TENM3: variants seen among roughly 807,000 people sequenced by gnomAD.
TENM3 encodes teneurin transmembrane protein 3.
Under a neutral mutation model 255.1 loss-of-function variants are expected in TENM3, and 63 were observed. The observed-to-expected ratio is 0.25, with a 90% CI of 0.20 to 0.30. The LOEUF (loss-of-function observed/expected upper bound fraction) is 0.30, where lower values mean the gene tolerates loss of function less well. Ranked by LOEUF, TENM3 falls within the 10% of genes least tolerant of loss-of-function variation. TENM3 has a pLI of 1.00. For synonymous variants in TENM3, 1,306 were observed against 1,322.3 expected (o/e 0.99, Z 0.27); for missense variants, 2,929 against 3,461.1 (o/e 0.85, Z 3.86).
chr4:182,429,286 G>T (rs1771457179), intron 3 of TENM3, among the ~76,000 whole-genome samples: 1 of 152,054 alleles, frequency 6.6e-6, no homozygotes, highest in Admixed American at 6.6e-5. Context: ...TGGTATTATT[G>T]GATATAAAAA....
chr4:182,502,363 T>C (rs942550188), intron 3 of TENM3, among the ~76,000 whole-genome samples: 7 of 152,158 alleles, frequency 4.6e-5, no homozygotes, highest in African/African-American at 1.7e-4. Context: ...CCCTCTGTTA[T>C]GGTAAATTTT....
At chr4:182,611,516 C>A (rs543966229) in intron 4 of TENM3, among the ~76,000 whole-genome samples, 2 of 151,972 alleles carry the variant, frequency 1.3e-5, no homozygotes, top group Non-Finnish European at 2.9e-5. Flanking sequence ...TCTCTGATGT[C>A]TACTCTGATC....
intron 3 of TENM3, among the ~76,000 whole-genome samples, chr4:182,501,959 G>A (rs1035838989): frequency 3.3e-5 from 5 of 152,172 alleles, no homozygotes; most frequent in Middle Eastern, 3.4e-3. Context: ...AGTATCTAAA[G>A]TAAACTTTTT....
At chr4:182,335,419 CG>C in intron 2 of TENM3, among the ~76,000 whole-genome samples, 1 of 122,312 alleles carries the variant, frequency 8.2e-6, no homozygotes, top group East Asian at 3.2e-4. Flanking sequence ...GGCGTGAACC[CG>C]GGAGGCGGAG....
chr4:182,473,371 AAAT>A (rs1733323328), intron 3 of TENM3, among the ~76,000 whole-genome samples: 1 of 152,208 alleles, frequency 6.6e-6, no homozygotes. Flanking sequence ...CTCTAATAAA[AAAT>A]TATTGTTTAT....
chr4:182,050,839 T>A, the TENM3 span, among the ~76,000 whole-genome samples: 2 of 152,250 alleles, frequency 1.3e-5, no homozygotes, highest in African/African-American at 4.8e-5. Context: ...AATGCAACTT[T>A]AATTTTTAAA....
At chr4:182,377,777 A>C (rs1022629301) in intron 3 of TENM3, among the ~76,000 whole-genome samples, 1 of 152,178 alleles carries the variant, frequency 6.6e-6, no homozygotes, top group African/African-American at 2.4e-5. Context: ...TATTCACATT[A>C]TGGGAAAGCA....
At chr4:181,518,095 C>T in the TENM3 span, among the ~76,000 whole-genome samples, 6 of 152,218 alleles carry the variant, frequency 3.9e-5, no homozygotes, top group Admixed American at 2.6e-4. Flanking sequence ...CTTTAGGCAA[C>T]GGTTGTATAA....
chr4:182,036,947 T>C, the TENM3 span, among the ~76,000 whole-genome samples: 2 of 152,184 alleles, frequency 1.3e-5, no homozygotes, highest in Non-Finnish European at 2.9e-5. Flanking sequence ...TTTCATGGTG[T>C]GTTGAAAACT....
chr4:181,792,509 G>A, the TENM3 span, among the ~76,000 whole-genome samples: 5 of 152,108 alleles, frequency 3.3e-5, no homozygotes, highest in African/African-American at 9.6e-5. Context: ...AACATAGATT[G>A]ATAGGGAAAA....
chr4:182,683,719 A>G (rs1042051097), intron 11 of TENM3, among the ~76,000 whole-genome samples: 1 of 152,164 alleles, frequency 6.6e-6, no homozygotes, highest in Non-Finnish European at 1.5e-5. Flanking sequence ...AGACAATGAG[A>G]GTATTGTTTT....
chr4:181,877,192 A>G, the TENM3 span: 1 of 152,136 alleles, frequency 6.6e-6, no homozygotes. Flanking sequence ...GAGGGGGTAA[A>G]CAATTTTTTC....
the TENM3 span, among the ~76,000 whole-genome samples, chr4:181,604,619 C>T: frequency 6.6e-6 from 1 of 152,200 alleles, no homozygotes; most frequent in Non-Finnish European, 1.5e-5. Context: ...CAGAGTGTGG[C>T]CATCCTACCT....
chr4:182,374,177 A>G (rs1391562516), intron 3 of TENM3, among the ~76,000 whole-genome samples: 1 of 152,122 alleles, frequency 6.6e-6, no homozygotes, highest in Non-Finnish European at 1.5e-5. Flanking sequence ...CATCATTCAG[A>G]TATCCCTTTC....
At chr4:182,161,959 GTATA>G (rs766414090) in intron 1 of TENM3, among the ~76,000 whole-genome samples, 1,624 of 15,932 alleles carry the variant, frequency 0.1, 273 homozygotes, top group Middle Eastern at 0.27. Flanking sequence ...GTGTGTGTGT[GTATA>G]TATATATATA....
chr4:182,790,965 G>A (rs1027152197), intron 25 of TENM3, among the ~76,000 whole-genome samples: 5 of 152,032 alleles, frequency 3.3e-5, no homozygotes, highest in Non-Finnish European at 7.4e-5. Context: ...CTTTCTCATC[G>A]TCTCTCCCAA....
At chr4:182,770,678 C>T (rs1277025869) in intron 22 of TENM3, among the ~76,000 whole-genome samples, 3 of 152,262 alleles carry the variant, frequency 2.0e-5, no homozygotes, top group Non-Finnish European at 4.4e-5. Context: ...CTTCTGCTCA[C>T]TCTGGTGAGT....
intron 2 of TENM3, among the ~76,000 whole-genome samples, chr4:182,327,115 G>A (rs1288366731): frequency 1.3e-5 from 2 of 152,192 alleles, no homozygotes; most frequent in East Asian, 3.9e-4. Context: ...AATCCTTCCA[G>A]GCTTTCATTT....
chr4:182,339,524 C>T (rs1394243137), intron 2 of TENM3, among the ~76,000 whole-genome samples: 1 of 152,172 alleles, frequency 6.6e-6, no homozygotes, highest in Non-Finnish European at 1.5e-5. Flanking sequence ...GTGGATTACC[C>T]ACCAGAAGGT....
Sources: gnomAD v4.1 joint callset for allele counts (sites outside exome capture counted in the v4.1 genomes callset) on GRCh38, gnomAD v4.1.1 for gene constraint, MANE v1.5 for transcripts, NCBI Gene and HGNC (gene_info 2026-07-23, HGNC 2026-07-21) for gene names.